COL24A1: variants seen among roughly 807,000 people sequenced by gnomAD.
The protein encoded by COL24A1 is collagen alpha-1(XXIV) chain.
A neutral mutation model predicts 253.9 loss-of-function variants in COL24A1; 224 were observed. The ratio of observed to expected loss-of-function variants is 0.88; its 90% CI spans 0.79 to 0.99. The LOEUF (loss-of-function observed/expected upper bound fraction) is 0.99. Ranked by LOEUF, COL24A1 falls within the 50% of genes least tolerant of loss-of-function variation. COL24A1 has a pLI of 0.00. For synonymous variants in COL24A1, 685 were observed against 673.7 expected (o/e 1.02, Z -0.26); for missense variants, 2,131 against 2,068.5 (o/e 1.03, Z -0.59).
chr1:86,036,868 T>C (rs982879982), intron 12 of COL24A1, among the ~76,000 whole-genome samples: 2 of 152,188 alleles, frequency 1.3e-5, no homozygotes, highest in African/African-American at 4.8e-5. Flanking sequence ...TTAATTTAAA[T>C]CAAATTGTGT....
At chr1:86,141,282 G>T (rs983597608) in intron 2 of COL24A1, among the ~76,000 whole-genome samples, 5 of 152,172 alleles carry the variant, frequency 3.3e-5, no homozygotes, top group Non-Finnish European at 1.5e-5. Context: ...CAGCATTGAG[G>T]CTTCAAATTG....
At chr1:86,118,848 A>G (rs1706415825) in intron 3 of COL24A1, among the ~76,000 whole-genome samples, 1 of 152,166 alleles carries the variant, frequency 6.6e-6, no homozygotes, top group African/African-American at 2.4e-5. Flanking sequence ...TGAGTAAAAC[A>G]AAACAAAACT....
At chr1:85,781,313 A>G (rs769755655) in intron 51 of COL24A1, 40 bp from the exon 52 acceptor site, 3 of 1,373,072 alleles carry the variant, frequency 2.2e-6, no homozygotes, top group Admixed American at 2.2e-5. Context: ...TGTTAGTATA[A>G]TTAAAAAAAA....
intron 2 of COL24A1, among the ~76,000 whole-genome samples, chr1:86,128,845 C>G (rs976585511): frequency 4.0e-5 from 6 of 151,770 alleles, no homozygotes; most frequent in African/African-American, 1.4e-4. Flanking sequence ...TTACGTTATT[C>G]TTTTGGTATC....
chr1:85,905,336 T>C (rs762663016), intron 28 of COL24A1, among the ~76,000 whole-genome samples: 6 of 152,074 alleles, frequency 3.9e-5, no homozygotes, highest in Non-Finnish European at 7.4e-5. Flanking sequence ...GTCTAGAGTA[T>C]TGGGATTACA....
At chr1:86,153,651 A>G (rs1653079698) in intron 1 of COL24A1, among the ~76,000 whole-genome samples, 1 of 152,232 alleles carries the variant, frequency 6.6e-6, no homozygotes, top group Non-Finnish European at 1.5e-5. Context: ...AGTACTTTCC[A>G]TAAATTAGAT....
rs545903419 is a variant in COL24A1, at chr1:85,785,920, T to G, written c.4059+434A>C. On this transcript the variant is annotated intron_variant, in intron 48 of 59. Coordinates refer to ENST00000370571, the MANE Select transcript of COL24A1 (RefSeq NM_152890.7). ...TAAATGCAATATAAGACTTAGTTAC[T>G]GTCACATTAACTCTAAGAAACAGTC... is the stretch of plus-strand genomic sequence containing the variant. Among the ~76,000 whole-genome samples, 16 of 152,364 alleles carry G rather than the reference T, an allele frequency of 1.1e-4. No homozygotes were observed. In the South Asian group the frequency reaches 3.1e-3, roughly 30 times the overall value.
intron 8 of COL24A1, among the ~76,000 whole-genome samples, chr1:86,059,723 G>C (rs1292293471): frequency 6.6e-6 from 1 of 152,160 alleles, no homozygotes; most frequent in Non-Finnish European, 1.5e-5. Context: ...GCTGTGGACT[G>C]AATGTTTGTG....
intron 19 of COL24A1, among the ~76,000 whole-genome samples, chr1:86,012,800 A>G (rs1696629374): frequency 6.6e-6 from 1 of 152,112 alleles, no homozygotes; most frequent in Non-Finnish European, 1.5e-5. Flanking sequence ...GAGGGCATAC[A>G]TGATATATCT....
rs183413658 is a variant in COL24A1, at chr1:85,939,032, T to G, written c.2562+22217A>C. Among the ~76,000 whole-genome samples the G allele has an allele frequency of 1.8e-3, 271 of 152,274 alleles. 1 individual carries two copies. Among genetic ancestry groups the G allele is most frequent in the African/African-American group, 6.2e-3 (257 of 41,548 alleles). On this transcript the variant is annotated intron_variant, in intron 24 of 59. Coordinates refer to ENST00000370571, the MANE Select transcript of COL24A1 (RefSeq NM_152890.7). ...TGTAGCGAAATGCCATCTCAGCAGT[T>G]TGCCTCTAGAAAATCCAATGTGTGC...
intron 5 of COL24A1, among the ~76,000 whole-genome samples, chr1:86,101,940 T>A (rs1453951143): frequency 6.6e-6 from 1 of 152,156 alleles, no homozygotes; most frequent in African/African-American, 2.4e-5. Context: ...ATTTTTGGAA[T>A]AGTTTCAGTA....
At chr1:85,922,918 G>C (rs540393084) in intron 24 of COL24A1, among the ~76,000 whole-genome samples, 1 of 152,032 alleles carries the variant, frequency 6.6e-6, no homozygotes, top group Admixed American at 6.6e-5. Flanking sequence ...GTATTCAGGA[G>C]ACCCATCTCA....
chr1:86,062,954 G>A (rs1296569728), intron 8 of COL24A1, among the ~76,000 whole-genome samples: 1 of 151,728 alleles, frequency 6.6e-6, no homozygotes, highest in Non-Finnish European at 1.5e-5. Flanking sequence ...CTCCCTTTAG[G>A]GTTTCCTGAG....
At chr1:86,034,213 A>G (rs1472678524) in intron 12 of COL24A1, among the ~76,000 whole-genome samples, 1 of 152,152 alleles carries the variant, frequency 6.6e-6, no homozygotes, top group Non-Finnish European at 1.5e-5. Context: ...AAAATCACCA[A>G]ATGAAAGGAA....
intron 12 of COL24A1, among the ~76,000 whole-genome samples, chr1:86,044,844 T>C (rs567230450): frequency 3.1e-4 from 47 of 152,302 alleles, no homozygotes; most frequent in African/African-American, 1.1e-3. Flanking sequence ...TCAGCAATAT[T>C]ATCAAATGAA....
intron 32 of COL24A1, among the ~76,000 whole-genome samples, chr1:85,887,223 A>G (rs1207470800): frequency 1.3e-5 from 2 of 152,160 alleles, no homozygotes; most frequent in Non-Finnish European, 2.9e-5. Context: ...ATTAACAGAT[A>G]TTAACTATAT....
At chr1:86,015,153 T>C (rs1696876854) in intron 19 of COL24A1, among the ~76,000 whole-genome samples, 1 of 152,222 alleles carries the variant, frequency 6.6e-6, no homozygotes, top group African/African-American at 2.4e-5. Context: ...GTCTCACATA[T>C]AGTTGCCTAT....
rs758324606 is a variant in COL24A1, at chr1:85,911,393, C to T, written c.2603G>A (p.Ser868Asn). The T allele has an allele frequency of 1.2e-5, 20 of 1,611,956 alleles. No homozygotes were observed. The South Asian group carries it at 2.2e-4, about 18-fold the overall frequency. ...TTAAAAAATTACCTTTTCGCCAATG[C>T]TTCCAGTCATCCCAACTTCTCCAGG... ...GLPGEVGMTG[S>N]IGEKGERGSP... Residue 868 changes from serine (S) to asparagine (N), a missense_variant, in exon 25 of 60, where the codon AGC (serine) becomes AAC (asparagine). Coordinates refer to ENST00000370571, the MANE Select transcript of COL24A1 (RefSeq NM_152890.7).
chr1:85,842,233 T>A (rs1255971677), intron 40 of COL24A1, 107 bp downstream of exon 40: 17 of 1,334,620 alleles, frequency 1.3e-5, no homozygotes, highest in Non-Finnish European at 1.4e-5. Flanking sequence ...CCTAAATATG[T>A]TAGAAAGGTT....
Sources: allele counts gnomAD v4.1 joint callset (sites outside exome capture counted in the v4.1 genomes callset), GRCh38; gene constraint gnomAD v4.1.1; transcripts MANE v1.5; gene names NCBI Gene and HGNC (gene_info 2026-07-23, HGNC 2026-07-21).